EPN2: variants seen among roughly 807,000 people sequenced by gnomAD.
The protein encoded by EPN2 is epsin 2.
A neutral mutation model predicts 61.7 loss-of-function variants in EPN2; 34 were observed. The ratio of observed to expected loss-of-function variants is 0.55; its 90% CI spans 0.42 to 0.73. The LOEUF (loss-of-function observed/expected upper bound fraction) is 0.73, where lower values mean the gene tolerates loss of function less well. Among genes scored for constraint, EPN2 ranks in the 30% least tolerant of loss-of-function variants. The pLI, the probability that EPN2 is intolerant of heterozygous loss-of-function variation, is 0.00. For missense variants in EPN2, 714 were observed against 839.2 expected (o/e 0.85, Z 1.84); for synonymous variants, 349 against 353.6 (o/e 0.99, Z 0.15).
At chr17:19,259,227 T>C (rs1475078668) in intron 1 of EPN2, among the ~76,000 whole-genome samples, 1 of 152,012 alleles carries the variant, frequency 6.6e-6, no homozygotes, top group Non-Finnish European at 1.5e-5. Flanking sequence ...CTTTTGGTGA[T>C]AGGGAAACAT....
chr17:19,299,464 C>T (rs551141579), intron 4 of EPN2, among the ~76,000 whole-genome samples: 4 of 152,338 alleles, frequency 2.6e-5, no homozygotes, highest in South Asian at 2.1e-4. Context: ...GATGAGACCC[C>T]TGCCCCAGCA....
At chr17:19,297,709 A>G (rs1372831290) in intron 4 of EPN2, among the ~76,000 whole-genome samples, 2 of 152,172 alleles carry the variant, frequency 1.3e-5, no homozygotes, top group Non-Finnish European at 2.9e-5. Flanking sequence ...AGGGCAAGCC[A>G]CTGGGGGGCC....
intron 7 of EPN2, among the ~76,000 whole-genome samples, chr17:19,321,576 A>G (rs536300635): frequency 5.9e-5 from 9 of 152,296 alleles, no homozygotes; most frequent in African/African-American, 1.7e-4. Flanking sequence ...AGGAGAAAGC[A>G]GGAGTGGGGG....
chr17:19,270,242 C>T (rs931890799), intron 1 of EPN2, among the ~76,000 whole-genome samples: 2 of 152,236 alleles, frequency 1.3e-5, no homozygotes, highest in African/African-American at 4.8e-5. Flanking sequence ...TCTTAGAGAG[C>T]CCCTTCTGTT....
At chr17:19,266,948 A>AGGCT (rs2045205721) in intron 1 of EPN2, among the ~76,000 whole-genome samples, 1 of 146,202 alleles carries the variant, frequency 6.8e-6, no homozygotes, top group South Asian at 2.4e-4. Flanking sequence ...GCACTTTGGG[A>AGGCT]GGCTGAGGCA....
intron 1 of EPN2, among the ~76,000 whole-genome samples, chr17:19,245,460 T>C (rs2044935247): frequency 2.0e-5 from 3 of 149,910 alleles, no homozygotes; most frequent in Non-Finnish European, 4.4e-5. Flanking sequence ...GTTGCCAGGC[T>C]GGAGTGCAGT....
At chr17:19,279,584 G>A (rs1186030816) in intron 1 of EPN2, among the ~76,000 whole-genome samples, 12 of 151,056 alleles carry the variant, frequency 7.9e-5, no homozygotes, top group African/African-American at 2.2e-4. Flanking sequence ...GACTACAGGC[G>A]CCCGCCACTA....
chr17:19,312,588 A>G (rs1388195204), intron 6 of EPN2, among the ~76,000 whole-genome samples: 2 of 152,060 alleles, frequency 1.3e-5, no homozygotes, highest in African/African-American at 2.4e-5. Flanking sequence ...TCCAGTCAAG[A>G]CCCAGACCCC....
chr17:19,291,314 C>T (rs900416117), intron 4 of EPN2, among the ~76,000 whole-genome samples: 3 of 152,196 alleles, frequency 2.0e-5, no homozygotes, highest in African/African-American at 4.8e-5. Context: ...TGCTGCTGTC[C>T]GCCAGGCCTT....
intron 4 of EPN2, among the ~76,000 whole-genome samples, chr17:19,295,108 ATTTGC>A (rs1454379644): frequency 6.6e-6 from 1 of 151,902 alleles, no homozygotes; most frequent in Non-Finnish European, 1.5e-5. Flanking sequence ...AAATTCTCTT[ATTTGC>A]TTTGTTTTGT....
chr17:19,246,830 G>A (rs988999159), intron 1 of EPN2, among the ~76,000 whole-genome samples: 13 of 142,252 alleles, frequency 9.1e-5, no homozygotes, highest in Non-Finnish European at 1.7e-4. Context: ...GTGCAGTGGC[G>A]CGATCTCAGC....
At position 19,260,062 on chromosome 17, in the gene EPN2, G is replaced by A. The variant is rs142384433; in HGVS notation, c.-293-21893G>A. Among the ~76,000 whole-genome samples the A allele has an allele frequency of 1.6e-3, 245 of 152,328 alleles. 1 individual carries two copies. Among genetic ancestry groups the A allele is most frequent in the Middle Eastern group, 6.8e-3 (2 of 294 alleles). ...ACTCCCTGTGGACTGTGCCACTGGA[G>A]CTCTCTGCAGACAGGGACTGTGTCA... On this transcript the variant is annotated intron_variant, in intron 1 of 10. Coordinates refer to ENST00000314728, the MANE Select transcript of EPN2 (RefSeq NM_014964.5).
chr17:19,289,724 G>GTTTTTTTTTTTTTTTTTTTTTTTTTTT lies in EPN2; in HGVS notation c.766+3954_766+3955insTTTTTTTTTTTTTTTTTTTTTTTTTTT, dbSNP rs58087532. Among the ~76,000 whole-genome samples the GTTTTTTTTTTTTTTTTTTTTTTTTTTT allele has an allele frequency of 1.2e-4, 9 of 78,048 alleles. 1 individual carries two copies. Among genetic ancestry groups the GTTTTTTTTTTTTTTTTTTTTTTTTTTT allele is most frequent in the South Asian group, 5.8e-4 (1 of 1,714 alleles). 51.2% of individuals were successfully genotyped at this position (78,048 alleles called of 152,430 possible). A position where few individuals can be genotyped will look rare whatever the true frequency, so the allele number is the denominator to read the frequency against. ...TGTTCGGCCTCACCTGGCGCTCATG[G>GTTTTTTTTTTTTTTTTTTTTTTTTTTT]TTTTTTTTTTTTTTTTTTTTGAGAT... On this transcript the variant is annotated intron_variant, in intron 4 of 10. Transcript: ENST00000314728.
rs572989122 is a variant in EPN2, at chr17:19,330,982, T to G, written c.1412-871T>G. Among the ~76,000 whole-genome samples the G allele has an allele frequency of 3.9e-5, 6 of 152,236 alleles. No homozygotes were observed. In the East Asian group the frequency reaches 1.2e-3, roughly 29 times the overall value. ...GATCGCCCAGGCTGGAGTGCACTGG[T>G]GTTATTGGTGTTTTGTTTTTTTGTT... On this transcript the variant is annotated intron_variant, in intron 9 of 10. Coordinates refer to ENST00000314728, the MANE Select transcript of EPN2 (RefSeq NM_014964.5).
At chr17:19,257,507 TTC>T (rs1555595917) in intron 1 of EPN2, among the ~76,000 whole-genome samples, 1,736 of 148,046 alleles carry the variant, frequency 0.012, 45 homozygotes, top group African/African-American at 0.036. Flanking sequence ...TTGATTTATT[TTC>T]TCTCTCTCTC....
chr17:19,238,581 C>T lies in EPN2; in HGVS notation c.-294+1050C>T, dbSNP rs572731803. Among the ~76,000 whole-genome samples, 3 of 152,278 alleles carry T rather than the reference C, an allele frequency of 2.0e-5. No individual in the cohort carries two copies. In the East Asian group the frequency reaches 5.8e-4, roughly 29 times the overall value. On this transcript the variant is annotated intron_variant, in intron 1 of 10. Transcript: ENST00000314728. ...AGAGGGCTTAACCATCATTAGGGTT[C>T]AGATGAGGGAAACTGAGGCCCAGAA...
chr17:19,303,290 G>A (rs913956598), intron 4 of EPN2, among the ~76,000 whole-genome samples: 3 of 152,160 alleles, frequency 2.0e-5, no homozygotes, highest in African/African-American at 7.2e-5. Flanking sequence ...ATCATCTCAC[G>A]CTGAGGTCAT....
intron 7 of EPN2, among the ~76,000 whole-genome samples, chr17:19,327,307 CAAATA>C (rs1339904193): frequency 1.3e-5 from 2 of 152,066 alleles, no homozygotes; most frequent in African/African-American, 2.4e-5. Context: ...ATGACTCTCT[CAAATA>C]AAATGTGGAG....
intron 1 of EPN2, among the ~76,000 whole-genome samples, chr17:19,269,834 C>A (rs889836529): frequency 1.3e-5 from 2 of 152,120 alleles, no homozygotes; most frequent in African/African-American, 2.4e-5. Flanking sequence ...GGAAAGGATC[C>A]ATTATGGCCC....
Sources: gnomAD v4.1 joint callset for allele counts (sites outside exome capture counted in the v4.1 genomes callset) on GRCh38, gnomAD v4.1.1 for gene constraint, MANE v1.5 for transcripts, NCBI Gene and HGNC (gene_info 2026-07-23, HGNC 2026-07-21) for gene names.